Variants in DCHS1 observed in about 807,000 individuals in gnomAD.
DCHS1 encodes the protein dachsous cadherin-related 1.
In DCHS1, 78 loss-of-function variants were observed where a neutral mutation model predicts 213.9. That is an observed-to-expected ratio of 0.36 (90% CI 0.30 to 0.44). The LOEUF is 0.44. Ranked by LOEUF, DCHS1 falls within the 20% of genes least tolerant of loss-of-function variation. The pLI is 1.00. For synonymous variants in DCHS1, 1,828 were observed against 1,873.7 expected (o/e 0.98, Z 0.63); for missense variants, 3,946 against 4,395.9 (o/e 0.90, Z 2.89).
chr11:6,643,892 T>G (rs1856117566), intron 1 of DCHS1, among the ~76,000 whole-genome samples: 1 of 152,224 alleles, frequency 6.6e-6, no homozygotes, highest in Non-Finnish European at 1.5e-5. Flanking sequence ...GGTGTCCAAC[T>G]AGCAATCCAG....
intron 1 of DCHS1, among the ~76,000 whole-genome samples, chr11:6,645,635 GTGA>G (rs1330833376): frequency 6.6e-6 from 1 of 152,156 alleles, no homozygotes; most frequent in Non-Finnish European, 1.5e-5. Flanking sequence ...TAAATCTCAG[GTGA>G]ATGATCAGAC....
chr11:6,625,609 G>A lies in DCHS1; in HGVS notation c.6850C>T (p.Arg2284Ter). Residue 2284 changes from arginine to a stop codon, truncating the protein, a stop_gained, in exon 18 of 21, where the codon CGA becomes TGA. Coordinates refer to ENST00000299441, the MANE Select transcript of DCHS1 (RefSeq NM_003737.4). LOFTEE classifies it high-confidence loss of function. This position sits in a 1 kb window ranked among gnomAD's most constrained non-coding sequence, Gnocchi z 5.3. ...TACCCAGCCTCACCTTCTGACACTC[G>A]GAGCTCCCAGGGTTGGGGGATGGTG... ...RPTIPQPWEL[R>*]VSEDALLGSE... 1.9e-6 allele frequency: 3 copies of A among 1,613,532 alleles called. No homozygotes were observed. Among genetic ancestry groups the A allele is most frequent in the Non-Finnish European group, 2.5e-6 (3 of 1,179,818 alleles).
intron 1 of DCHS1, among the ~76,000 whole-genome samples, chr11:6,644,064 TG>T (rs1250010603): frequency 1.3e-5 from 2 of 152,228 alleles, no homozygotes; most frequent in Non-Finnish European, 2.9e-5. Flanking sequence ...AGCTCCTCAC[TG>T]GTCTTCCACT....
In DCHS1 at chr11:6,629,661, C is replaced by G. The variant is rs200315098; in HGVS notation, c.5035+11G>C. Reference sequence around the variant, plus strand: ...TCCATCCCACTCATAATTCACCCCCCCAGGTCTTACCCACGTCGGGGTCGG... The same window carrying G: ...TCCATCCCACTCATAATTCACCCCCGCAGGTCTTACCCACGTCGGGGTCGG... On this transcript the variant is annotated intron_variant, in intron 11 of 20. Coordinates refer to ENST00000299441, the MANE Select transcript of DCHS1 (RefSeq NM_003737.4). 1.2e-5 allele frequency: 19 copies of G among 1,612,990 alleles called. No individual in the cohort carries two copies. The highest frequency in any genetic ancestry group is 3.3e-5 in the South Asian group (3 of 90,924).
In DCHS1 at chr11:6,622,989, C is replaced by A. The variant is rs138323776; in HGVS notation, c.8687G>T (p.Arg2896Leu). ...GGGRTRREAPRELRLEVIARG... is the reference protein window; with the variant it reads ...GGGRTRREAPLELRLEVIARG... ...TGCTATCACCTCCAGCCTCAGCTCC[C>A]GTGGTGCTTCCCGCCGGGTCCGGCC... The change falls in exon 21 of 21, where the codon CGG (arginine) becomes CTG (leucine). Residue 2896 changes from arginine (R) to leucine (L), a missense_variant. Transcript: ENST00000299441. This position sits in a 1 kb window ranked among gnomAD's most constrained non-coding sequence, Gnocchi z 5.4. 6.4e-7 allele frequency: 1 copy of A among 1,570,984 alleles called. No individual in the cohort carries two copies.
At chr11:6,649,542 T>C (rs1445078729) in intron 1 of DCHS1, among the ~76,000 whole-genome samples, 2 of 151,870 alleles carry the variant, frequency 1.3e-5, no homozygotes, top group Non-Finnish European at 2.9e-5. Context: ...AGGGTACACA[T>C]GTGAAGTGAT....
intron 12 of DCHS1, among the ~76,000 whole-genome samples, chr11:6,629,158 C>T (rs148568486): frequency 6.6e-6 from 1 of 152,332 alleles, no homozygotes; most frequent in East Asian, 1.9e-4. Flanking sequence ...CTCCAATATT[C>T]AGTATCAAAA....
In DCHS1 at chr11:6,625,170, G is replaced by A. The variant is rs1399612231; in HGVS notation, c.7146+28C>T. ...TCCAACAGGAACAACCCAGGCCCAG[G>A]TGTAGGTGGATCCATGGGTGTCAAT... On this transcript the variant is annotated intron_variant, in intron 19 of 20. Coordinates refer to ENST00000299441, the MANE Select transcript of DCHS1 (RefSeq NM_003737.4). The surrounding 1 kb of genome is among the most constrained non-coding windows in gnomAD (Gnocchi z 5.3). 3 of 1,557,062 alleles carry A rather than the reference G, an allele frequency of 1.9e-6. No individual in the cohort carries two copies. In the African/African-American group the frequency reaches 4.1e-5, roughly 21 times the overall value.
rs1855845641 is a variant in DCHS1, at chr11:6,628,413, T to C, written c.5371+208A>G. 2.6e-5 allele frequency among the ~76,000 whole-genome samples: 4 copies of C among 151,266 alleles called. No homozygotes were observed. Among genetic ancestry groups the C allele is most frequent in the Admixed American group, 2.6e-4 (4 of 15,202 alleles). Reference sequence around the variant, plus strand: ...AGAGACAAATGAGAAAGAAAAGAAATAGGAAGATAGAAACAGAGACACACA... The same window carrying C: ...AGAGACAAATGAGAAAGAAAAGAAACAGGAAGATAGAAACAGAGACACACA... On this transcript the variant is annotated intron_variant, in intron 13 of 20. Coordinates refer to ENST00000299441, the MANE Select transcript of DCHS1 (RefSeq NM_003737.4). This position sits in a 1 kb window ranked among gnomAD's most constrained non-coding sequence, Gnocchi z 4.3.
intron 2 of DCHS1, among the ~76,000 whole-genome samples, chr11:6,637,520 T>C (rs944812932): frequency 1.3e-5 from 2 of 152,018 alleles, no homozygotes; most frequent in Admixed American, 1.3e-4. Context: ...TGCAGTCTCA[T>C]CTCCCACCTT....
Position 6,628,013 on chromosome 11 carries a change from G to C in DCHS1, c.5372-346C>G, listed in dbSNP as rs1191193498. On this transcript the variant is annotated intron_variant, in intron 13 of 20. Coordinates refer to ENST00000299441, the MANE Select transcript of DCHS1 (RefSeq NM_003737.4). The surrounding 1 kb of genome is among the most constrained non-coding windows in gnomAD (Gnocchi z 4.3). The stretch of plus-strand genomic sequence containing the variant: ...GTGATGATATAATGTCTTGGTTAAG[G>C]GAATGTGTGCTTATGTATTCCTGTG... Among the ~76,000 whole-genome samples the C allele has an allele frequency of 7.3e-6, 1 of 137,562 alleles. No homozygotes were observed. The highest frequency in any genetic ancestry group is 2.3e-4 in the East Asian group (1 of 4,308). 90.2% of individuals were successfully genotyped at this position (137,562 alleles called of 152,430 possible). A position where few individuals can be genotyped will look rare whatever the true frequency, so the allele number is the denominator to read the frequency against.
At position 6,633,979 on chromosome 11, in the gene DCHS1, T is replaced by G. The variant is rs1410965946; in HGVS notation, c.2028A>C (p.Ser676=). ...KSMVYVKVFL[S]DENDNPPQFY... ...ACTGAGGAGGGTTGTCATTCTCGTC[T>G]GACAGAAACACCTTCACATATACCA... The change falls in exon 4 of 21, where the codon TCA becomes TCC. Residue 676 remains serine (S), a synonymous_variant. Transcript: ENST00000299441. 6.2e-7 allele frequency: 1 copy of G among 1,614,052 alleles called. No individual in the cohort carries two copies. The highest frequency in any genetic ancestry group is 2.2e-5 in the East Asian group (1 of 44,888).
chr11:6,650,718 T>C (rs1388483266), intron 1 of DCHS1, among the ~76,000 whole-genome samples: 2 of 152,160 alleles, frequency 1.3e-5, no homozygotes, highest in Non-Finnish European at 1.5e-5. Flanking sequence ...TGAGGCACTG[T>C]AATGCCTTGT....
At position 6,625,368 on chromosome 11, in the gene DCHS1, G is replaced by T; in HGVS notation, c.6976C>A (p.Arg2326Ser). 6.2e-7 allele frequency: 1 copy of T among 1,613,358 alleles called. No individual in the cohort carries two copies. Among genetic ancestry groups the T allele is most frequent in the Non-Finnish European group, 8.5e-7 (1 of 1,179,688 alleles). Residue 2326 changes from arginine (R) to serine (S), a missense_variant, in exon 19 of 21, where the codon CGC (arginine) becomes AGC (serine). By Grantham distance (110) the Arg-to-Ser change is moderately radical (BLOSUM62 -1). Coordinates refer to ENST00000299441, the MANE Select transcript of DCHS1 (RefSeq NM_003737.4). This position sits in a 1 kb window ranked among gnomAD's most constrained non-coding sequence, Gnocchi z 5.3. ...GTGAGGGAGACACGGCCTCCATAGC[G>T]GCCAACACTGAAGGGATCCTGGGGC... Reference protein sequence around the residue: ...SGPQDPFSVGRYGGRVSLTGP... With the variant: ...SGPQDPFSVGSYGGRVSLTGP...
chr11:6,654,829 A>G (rs1353656337), intron 1 of DCHS1, among the ~76,000 whole-genome samples: 12 of 152,162 alleles, frequency 7.9e-5, no homozygotes, highest in Non-Finnish European at 1.5e-5. Context: ...AGCCCGCCAC[A>G]CTGAGTTCAT....
Position 6,622,919 on chromosome 11 carries a change from G to A in DCHS1, c.8757C>T (p.Thr2919=), listed in dbSNP as rs771331618. 2.1e-5 allele frequency: 34 copies of A among 1,593,436 alleles called. No individual in the cohort carries two copies. The Middle Eastern group carries it at 5.0e-4, about 23-fold the overall frequency. ...PGSRSATVPV[T]VDITHTALGL... is the part of the protein sequence containing the mutation. ...CCAGTGCGGTGTGGGTGATATCCAC[G>A]GTCACAGGCACTGTGGCACTCCGGG... The change falls in exon 21 of 21, where the codon ACC becomes ACT. Residue 2919 remains threonine, a synonymous_variant. Transcript: ENST00000299441. The surrounding 1 kb of genome is among the most constrained non-coding windows in gnomAD (Gnocchi z 5.4).
intron 1 of DCHS1, among the ~76,000 whole-genome samples, chr11:6,642,161 T>C (rs550446180): frequency 1.2e-4 from 18 of 152,294 alleles, no homozygotes; most frequent in Non-Finnish European, 1.0e-4. Context: ...CAATACTACA[T>C]ATGCTCAAGT....
At position 6,632,403 on chromosome 11, in the gene DCHS1, C is replaced by A; in HGVS notation, c.3109G>T (p.Ala1037Ser). ...AAGGGGCTACTTGCTCCCTCTGCTG[C>A]AAGGTGATAGGTGATAGGGCCCCCA... Reference protein sequence around the residue: ...PDGGPITYHLAAEGASSPFGL... With the variant: ...PDGGPITYHLSAEGASSPFGL... Residue 1037 changes from alanine to serine, a missense_variant, in exon 6 of 21, where the codon GCA (alanine) becomes TCA (serine). By Grantham distance (99) the Ala-to-Ser change is moderately conservative. Coordinates refer to ENST00000299441, the MANE Select transcript of DCHS1 (RefSeq NM_003737.4). This position sits in a 1 kb window ranked among gnomAD's most constrained non-coding sequence, Gnocchi z 5.9. 1.2e-6 allele frequency: 2 copies of A among 1,613,602 alleles called. No individual in the cohort carries two copies. The highest frequency in any genetic ancestry group is 8.5e-7 in the Non-Finnish European group (1 of 1,179,628).
rs181567468 is a variant in DCHS1 at position 6,641,798 on chromosome 11, C to A, written c.-120-65G>T. ...GGATCAGCAGTCCAGATAACCTGGACGAGGCCACATCAACATTCAGATATG... is the reference window on the plus strand; with the variant it reads ...GGATCAGCAGTCCAGATAACCTGGAAGAGGCCACATCAACATTCAGATATG... On this transcript the variant is annotated intron_variant, in intron 1 of 20. Coordinates refer to ENST00000299441, the MANE Select transcript of DCHS1 (RefSeq NM_003737.4). This position sits in a 1 kb window ranked among gnomAD's most constrained non-coding sequence, Gnocchi z 7.1. 73 of 1,331,826 alleles carry A rather than the reference C, an allele frequency of 5.5e-5. No homozygotes were observed. The East Asian group carries it at 1.8e-3, about 32-fold the overall frequency. The allele number at this position is 1,331,826 out of a possible 1,614,324, so 82.5% of individuals were successfully genotyped here.
Sources: allele counts gnomAD v4.1 joint callset (sites outside exome capture counted in the v4.1 genomes callset), GRCh38; gene constraint gnomAD v4.1.1; non-coding constraint Gnocchi (gnomAD v3.1); transcripts MANE v1.5; gene names NCBI Gene and HGNC (gene_info 2026-07-23, HGNC 2026-07-21).